Variants in NAALAD2 observed in about 807,000 individuals in gnomAD.
The protein encoded by NAALAD2 is N-acetylated-alpha-linked acidic dipeptidase 2.
NAALAD2 carries 89 observed loss-of-function variants against 95.6 expected under a neutral mutation model. The ratio of observed to expected loss-of-function variants is 0.93; its 90% CI spans 0.78 to 1.11. The LOEUF (loss-of-function observed/expected upper bound fraction) is 1.11, where lower values mean the gene tolerates loss of function less well. Ranked by LOEUF, NAALAD2 falls within the 50% of genes least tolerant of loss-of-function variation. NAALAD2 has a pLI of 0.00. For synonymous variants in NAALAD2, 264 were observed against 294.4 expected, an observed-to-expected ratio of 0.90 and a Z score of 1.06; for missense variants, 894 against 872.4, an observed-to-expected ratio of 1.02 and a Z score of -0.31.
At chr11:90,181,790 C>T (rs1952982060) in intron 17 of NAALAD2, 89 bp downstream of exon 17, 2 of 797,972 alleles carry the variant, frequency 2.5e-6, no homozygotes, top group South Asian at 1.7e-5. Flanking sequence ...TAGCATTAAC[C>T]TCTAAATCAC....
At chr11:90,179,483 A>G (rs536105013) in intron 16 of NAALAD2, among the ~76,000 whole-genome samples, 5 of 152,090 alleles carry the variant, frequency 3.3e-5, no homozygotes, top group Non-Finnish European at 7.4e-5. Flanking sequence ...AGGATTAGTA[A>G]TCTTTATATA....
At chr11:90,168,848 C>T in intron 11 of NAALAD2, 81 bp from the exon 12 acceptor site, 2 of 1,170,368 alleles carry the variant, frequency 1.7e-6, no homozygotes, top group Admixed American at 2.1e-5. Flanking sequence ...ACCGCTTTTC[C>T]ACGAAATTAA....
At chr11:90,158,072 A>T in intron 6 of NAALAD2, 73 bp from the exon 7 acceptor site, 1 of 1,122,622 alleles carries the variant, frequency 8.9e-7, no homozygotes, top group Non-Finnish European at 1.3e-6. Context: ...TGCAACGGTT[A>T]TGCAAAAAAT....
intron 2 of NAALAD2, among the ~76,000 whole-genome samples, chr11:90,143,578 A>T (rs570925599): frequency 6.6e-6 from 1 of 152,084 alleles, no homozygotes; most frequent in Admixed American, 6.6e-5. Context: ...ATGTAAATTT[A>T]TGTCTTCTAT....
In NAALAD2 at chr11:90,158,167, TG is replaced by T. The variant is rs754826103; in HGVS notation, c.820del (p.Glu274LysfsTer42). ...TAGAATACACTTTCAGACTTGATGT[TG>T]AAGAAGGAGTGGGAATCCCCCGAAT... ...AKEYTFRLDV[E>X]EGVGIPRIPV... On this transcript the variant is annotated frameshift_variant, in exon 7 of 19. Coordinates refer to ENST00000534061, the MANE Select transcript of NAALAD2 (RefSeq NM_005467.4). LOFTEE classifies it high-confidence loss of function. 1 of 1,608,550 alleles carries T rather than the reference TG, an allele frequency of 6.2e-7. No homozygotes were observed. Among genetic ancestry groups the T allele is most frequent in the Non-Finnish European group, 8.5e-7 (1 of 1,176,844 alleles).
In NAALAD2 at chr11:90,134,855, C is replaced by A; in HGVS notation, c.82+15C>A. ...ATTTATGGTGGGTAAGTGAACAAAA[C>A]ACTCTACCCCGACTCCGGGGCTCGT... On this transcript the variant is annotated intron_variant, in intron 1 of 18. Transcript: ENST00000534061. The A allele has an allele frequency of 6.2e-7, 1 of 1,612,866 alleles. No individual in the cohort carries two copies.
chr11:90,163,432 A>G lies in NAALAD2; in HGVS notation c.1195+3A>G. 1.2e-6 allele frequency: 2 copies of G among 1,613,940 alleles called. No individual in the cohort carries two copies. The highest frequency in any genetic ancestry group is 1.7e-6 in the Non-Finnish European group (2 of 1,179,896). ...TTTTGGAAAACTGATGAGTAAAGGT[A>G]AACAACCTTTCTTTCCTAGGTGATG... On this transcript the variant is annotated splice_donor_region_variant and intron_variant, in intron 10 of 18. Transcript: ENST00000534061.
At chr11:90,166,630 T>A (rs1565533791) in intron 11 of NAALAD2, among the ~76,000 whole-genome samples, 1 of 151,306 alleles carries the variant, frequency 6.6e-6, no homozygotes, top group South Asian at 2.1e-4. Flanking sequence ...GGTCAGGAGA[T>A]CGAGACCATT....
chr11:90,183,913 C>T (rs748641744), intron 18 of NAALAD2, among the ~76,000 whole-genome samples: 1 of 152,072 alleles, frequency 6.6e-6, no homozygotes, highest in Non-Finnish European at 1.5e-5. Flanking sequence ...GCCTCTGTAT[C>T]CTATTTTCCT....
rs549854382 is a variant in NAALAD2, at chr11:90,152,602, A to C, written c.796+118A>C. ...AACTAAAATTGAGTACACTTATATCATTTTGGATTACTGCTGCTAGGAATT... is the reference window on the plus strand; with the variant it reads ...AACTAAAATTGAGTACACTTATATCCTTTTGGATTACTGCTGCTAGGAATT... On this transcript the variant is annotated intron_variant, in intron 6 of 18. Coordinates refer to ENST00000534061, the MANE Select transcript of NAALAD2 (RefSeq NM_005467.4). 27 of 655,688 alleles carry C rather than the reference A, an allele frequency of 4.1e-5. No homozygotes were observed. In the Admixed American group the frequency reaches 4.7e-4, roughly 11 times the overall value. 40.6% of individuals were successfully genotyped at this position (655,688 alleles called of 1,614,324 possible).
At chr11:90,165,427 AG>A (rs1384603260) in intron 11 of NAALAD2, among the ~76,000 whole-genome samples, 1 of 152,212 alleles carries the variant, frequency 6.6e-6, no homozygotes, top group East Asian at 1.9e-4. Flanking sequence ...ATCATTTATA[AG>A]TCCAGATTTT....
intron 5 of NAALAD2, among the ~76,000 whole-genome samples, chr11:90,151,255 T>C (rs536035867): frequency 2.6e-5 from 4 of 152,298 alleles, no homozygotes; most frequent in Non-Finnish European, 4.4e-5. Context: ...ACCAATCTCA[T>C]AGAGTCCTTA....
chr11:90,186,033 T>G (rs866828602), intron 18 of NAALAD2, among the ~76,000 whole-genome samples: 2 of 152,098 alleles, frequency 1.3e-5, no homozygotes, highest in African/African-American at 4.8e-5. Flanking sequence ...TTTTTTAAAT[T>G]TATTTATTAT....
At chr11:90,153,663 A>T (rs187243782) in intron 6 of NAALAD2, among the ~76,000 whole-genome samples, 3 of 152,190 alleles carry the variant, frequency 2.0e-5, no homozygotes, top group Non-Finnish European at 2.9e-5. Flanking sequence ...ATTTGGGAGA[A>T]TTGAATTAAC....
intron 18 of NAALAD2, among the ~76,000 whole-genome samples, chr11:90,187,782 C>G (rs1857200238): frequency 6.6e-6 from 1 of 152,098 alleles, no homozygotes; most frequent in Admixed American, 6.6e-5. Flanking sequence ...ATTACCAAAT[C>G]TGTAGTGTAA....
intron 6 of NAALAD2, among the ~76,000 whole-genome samples, chr11:90,155,227 T>C (rs889398560): frequency 7.9e-6 from 1 of 126,750 alleles, no homozygotes; most frequent in Non-Finnish European, 1.6e-5. Context: ...TATGTATATG[T>C]GTGTGTATAT....
intron 2 of NAALAD2, among the ~76,000 whole-genome samples, chr11:90,143,698 G>A (rs1013361671): frequency 7.9e-5 from 12 of 152,078 alleles, no homozygotes; most frequent in African/African-American, 2.7e-4. Flanking sequence ...TACACTGAGC[G>A]AAGTACATAC....
intron 13 of NAALAD2, among the ~76,000 whole-genome samples, chr11:90,171,404 T>C (rs1952630555): frequency 6.6e-6 from 1 of 152,240 alleles, no homozygotes. Flanking sequence ...GGGTAGCTGA[T>C]GTCTTTGATC....
At chr11:90,168,378 A>G (rs923246389) in intron 11 of NAALAD2, among the ~76,000 whole-genome samples, 3 of 152,210 alleles carry the variant, frequency 2.0e-5, no homozygotes, top group African/African-American at 7.2e-5. Context: ...ACAGTGGCAC[A>G]CACCTGTAAT....
Sources: allele counts gnomAD v4.1 joint callset (sites outside exome capture counted in the v4.1 genomes callset), GRCh38; gene constraint gnomAD v4.1.1; transcripts MANE v1.5; gene names NCBI Gene and HGNC (gene_info 2026-07-23, HGNC 2026-07-21).